Variants in EFHD1 observed in about 807,000 individuals in gnomAD.
EFHD1 encodes EF-hand domain-containing protein D1.
Under a neutral mutation model 17.2 loss-of-function variants are expected in EFHD1, and 10 were observed. The observed-to-expected ratio is 0.58, with a 90% CI of 0.36 to 0.99. The LOEUF (loss-of-function observed/expected upper bound fraction) is 0.99, where lower values mean the gene tolerates loss of function less well. Among genes scored for constraint, EFHD1 ranks in the 50% least tolerant of loss-of-function variants. The probability of loss-of-function intolerance (pLI) is 0.01; values close to 1 mark genes in which losing one functional copy is unlikely to be tolerated. For synonymous variants in EFHD1, 153 were observed against 142.0 expected, an observed-to-expected ratio of 1.08 and a Z score of -0.55; for missense variants, 310 against 327.5, an observed-to-expected ratio of 0.95 and a Z score of 0.41.
chr2:232,634,155 G>C (rs1236328911), intron 1 of EFHD1, 149 bp downstream of exon 1: 31 of 1,424,030 alleles, frequency 2.2e-5, no homozygotes, highest in Non-Finnish European at 2.7e-5. Context: ...TTGCGTGCTC[G>C]GGTCTATCTC....
intron 3 of EFHD1, among the ~76,000 whole-genome samples, chr2:232,676,991 C>A (rs907236434): frequency 1.1e-4 from 17 of 151,494 alleles, no homozygotes; most frequent in Admixed American, 1.1e-3. Flanking sequence ...CAGAGCAAGA[C>A]CCTGCCTCTA....
At chr2:232,613,643 C>CACACACACACAA (rs761145052) in intron 1 of EFHD1, among the ~76,000 whole-genome samples, 27 of 135,466 alleles carry the variant, frequency 2.0e-4, no homozygotes, top group South Asian at 1.1e-3. Flanking sequence ...TATACACACA[C>CACACACACACAA]ATACACACAC....
At chr2:232,615,312 A>AGTGT (rs35239145) in intron 1 of EFHD1, among the ~76,000 whole-genome samples, 28,026 of 136,034 alleles carry the variant, frequency 0.21, 2,818 homozygotes, top group East Asian at 0.36. Flanking sequence ...TGTCAACTAT[A>AGTGT]GTGTGTGTGT....
intron 1 of EFHD1, among the ~76,000 whole-genome samples, chr2:232,613,970 G>A (rs1048930139): frequency 2.0e-4 from 29 of 146,214 alleles, no homozygotes; most frequent in Non-Finnish European, 3.0e-4. Flanking sequence ...ACATACACAC[G>A]TGAATACACA....
chr2:232,620,124 C>T (rs1693994812), intron 1 of EFHD1, among the ~76,000 whole-genome samples: 1 of 148,682 alleles, frequency 6.7e-6, no homozygotes, highest in African/African-American at 2.5e-5. Flanking sequence ...CGCGGTGGCT[C>T]ACGCCTGTAA....
chr2:232,613,643 C>CAA (rs761145052), intron 1 of EFHD1, among the ~76,000 whole-genome samples: 106 of 135,464 alleles, frequency 7.8e-4, no homozygotes, highest in African/African-American at 9.3e-4. Context: ...TATACACACA[C>CAA]ATACACACAC....
intron 1 of EFHD1, among the ~76,000 whole-genome samples, chr2:232,644,402 C>T (rs1306129352): frequency 6.6e-6 from 1 of 152,110 alleles, no homozygotes; most frequent in Non-Finnish European, 1.5e-5. Flanking sequence ...TTAGTGGCTC[C>T]TGGGCTTCTG....
intron 1 of EFHD1, among the ~76,000 whole-genome samples, chr2:232,616,307 T>A (rs1409530450): frequency 6.6e-6 from 1 of 150,552 alleles, no homozygotes; most frequent in Non-Finnish European, 1.5e-5. Flanking sequence ...CTTTATTTAT[T>A]TTTTTTTTTG....
intron 1 of EFHD1, among the ~76,000 whole-genome samples, chr2:232,636,350 T>C (rs1357698645): frequency 6.6e-6 from 1 of 152,202 alleles, no homozygotes; most frequent in Non-Finnish European, 1.5e-5. Context: ...TTAAAAGCTC[T>C]GTGCCATCAG....
At chr2:232,613,758 G>GCACACACATACACACACAAATATA (rs1693859299) in intron 1 of EFHD1, among the ~76,000 whole-genome samples, 1 of 78,822 alleles carries the variant, frequency 1.3e-5, no homozygotes, top group East Asian at 3.6e-4. Flanking sequence ...ACACAAATAC[G>GCACACACATACACACACAAATATA]CACACACATA....
At chr2:232,643,410 A>G (rs1000129451) in intron 1 of EFHD1, among the ~76,000 whole-genome samples, 1 of 148,384 alleles carries the variant, frequency 6.7e-6, no homozygotes, top group Non-Finnish European at 1.5e-5. Flanking sequence ...TTTCGTTTGT[A>G]TTTTTTTTGT....
At chr2:232,660,806 C>T (rs533415802) in intron 1 of EFHD1, among the ~76,000 whole-genome samples, 118 of 151,986 alleles carry the variant, frequency 7.8e-4, no homozygotes, top group African/African-American at 2.7e-3. Flanking sequence ...GGTGAAACCC[C>T]GTCTCTACTA....
chr2:232,674,577 A>G (rs951792173), intron 3 of EFHD1, among the ~76,000 whole-genome samples: 5 of 152,232 alleles, frequency 3.3e-5, no homozygotes, highest in Non-Finnish European at 7.3e-5. Flanking sequence ...AATGACAATA[A>G]AAATTCTTAC....
At chr2:232,609,747 G>A (rs1329563260) in intron 1 of EFHD1, among the ~76,000 whole-genome samples, 4 of 152,146 alleles carry the variant, frequency 2.6e-5, no homozygotes, top group African/African-American at 7.2e-5. Context: ...AAGATGAGAC[G>A]GAAACAGTCC....
At chr2:232,647,225 G>A (rs1694547821) in intron 1 of EFHD1, among the ~76,000 whole-genome samples, 1 of 152,266 alleles carries the variant, frequency 6.6e-6, no homozygotes, top group Admixed American at 6.5e-5. Flanking sequence ...GGTGGTGTGG[G>A]CCTGGAGTGG....
At chr2:232,627,520 C>T (rs1345237658) in intron 1 of EFHD1, among the ~76,000 whole-genome samples, 1 of 152,114 alleles carries the variant, frequency 6.6e-6, no homozygotes, top group East Asian at 1.9e-4. Context: ...TTAAATGACA[C>T]CTCCCTTTTT....
intron 1 of EFHD1, among the ~76,000 whole-genome samples, chr2:232,625,385 C>T (rs748491025): frequency 3.3e-5 from 5 of 151,986 alleles, no homozygotes; most frequent in Non-Finnish European, 7.4e-5. Context: ...AACAATCCTC[C>T]GACATTGGCC....
rs563559960 is a variant in EFHD1, at chr2:232,681,434, G to A, written c.586-151G>A. On this transcript the variant is annotated intron_variant, in intron 3 of 3. Transcript: ENST00000264059. ...AGAAAGCAACTTCTGAAGGCCACAC[G>A]GAAAGAGTGCTTGCTGGGGTCCTGC... 2.2e-5 allele frequency: 25 copies of A among 1,130,742 alleles called. No individual in the cohort carries two copies. In the East Asian group the frequency reaches 3.2e-4, roughly 15 times the overall value. 70.0% of individuals were successfully genotyped at this position (1,130,742 alleles called of 1,614,324 possible). A position where few individuals can be genotyped will look rare whatever the true frequency, so the allele number is the denominator to read the frequency against.
chr2:232,655,644 A>G (rs908008178), intron 1 of EFHD1, among the ~76,000 whole-genome samples: 3 of 152,204 alleles, frequency 2.0e-5, no homozygotes, highest in African/African-American at 7.2e-5. Context: ...CCGTTTTGCC[A>G]GAAGGCACTT....
Sources: allele counts gnomAD v4.1 joint callset (sites outside exome capture counted in the v4.1 genomes callset), GRCh38; gene constraint gnomAD v4.1.1; transcripts MANE v1.5; gene names NCBI Gene and HGNC (gene_info 2026-07-23, HGNC 2026-07-21).